The following ITGAL variants were observed in gnomAD, a reference collection of about 807,000 sequenced individuals.
The protein encoded by ITGAL is integrin alpha-L.
ITGAL carries 68 observed loss-of-function variants against 138.4 expected under a neutral mutation model. The ratio of observed to expected loss-of-function variants is 0.49; its 90% CI spans 0.40 to 0.60. The LOEUF is 0.60. Among genes scored for constraint, ITGAL ranks in the 20% least tolerant of loss-of-function variants. ITGAL has a pLI of 0.00. For synonymous variants in ITGAL, 561 were observed against 584.3 expected (o/e 0.96, Z 0.57); for missense variants, 1,256 against 1,478.6 (o/e 0.85, Z 2.47).
In ITGAL at chr16:30,520,325, C is replaced by T. The variant is rs35223392; in HGVS notation, c.3339+358C>T. ...TGCTACCCAACTGTAGTCCCAGCTA[C>T]TCGGGAGGTTGAGGTGGGAGGATCC... On this transcript the variant is annotated intron_variant, in intron 30 of 30. Coordinates refer to ENST00000356798, the MANE Select transcript of ITGAL (RefSeq NM_002209.3). Among the ~76,000 whole-genome samples the T allele has an allele frequency of 1.3e-3, 196 of 152,264 alleles. 3 individuals carry two copies. In the East Asian group the frequency reaches 0.032, roughly 25 times the overall value.
In ITGAL at chr16:30,510,351, T is replaced by C; in HGVS notation, c.2509-10T>C. ...TCATTAACAAACTTGTTTCCTCCTT[T>C]CACTCCCAGCCCCATAGCCAGATAC... On this transcript the variant is annotated splice_polypyrimidine_tract_variant and intron_variant, in intron 21 of 30. Coordinates refer to ENST00000356798, the MANE Select transcript of ITGAL (RefSeq NM_002209.3). 1 of 1,561,334 alleles carries C rather than the reference T, an allele frequency of 6.4e-7. No homozygotes were observed. The highest frequency in any genetic ancestry group is 8.8e-7 in the Non-Finnish European group (1 of 1,132,104).
chr16:30,518,622 AG>A lies in ITGAL; in HGVS notation c.3133del. The A allele has an allele frequency of 6.2e-7, 1 of 1,611,144 alleles. No homozygotes were observed. The highest frequency in any genetic ancestry group is 8.5e-7 in the Non-Finnish European group (1 of 1,177,354). ...TTCTGACGCCTTTCCCCGCTCCCACAGGCCTCTTCCATGTTCAGCCTCTGCA... is the reference window on the plus strand; with the variant it reads ...TTCTGACGCCTTTCCCCGCTCCCACAGCCTCTTCCATGTTCAGCCTCTGCA... On this transcript the variant is annotated splice_acceptor_variant, in intron 28 of 30. Transcript: ENST00000356798. LOFTEE classifies it high-confidence loss of function.
intron 7 of ITGAL, 29 bp from the exon 8 acceptor site, chr16:30,483,798 T>G: frequency 6.3e-7 from 1 of 1,582,212 alleles, no homozygotes; most frequent in Non-Finnish European, 8.6e-7. Context: ...TTTGGGGGAG[T>G]CTCTCATCTC....
At chr16:30,520,137 C>T (rs575538644) in intron 30 of ITGAL, among the ~76,000 whole-genome samples, 170 bp downstream of exon 30, 2 of 152,222 alleles carry the variant, frequency 1.3e-5, no homozygotes, top group South Asian at 4.1e-4. Context: ...CTACTGAGGT[C>T]CAAAGAACAA....
chr16:30,479,425 G>A lies in ITGAL; in HGVS notation c.540G>A (p.Lys180=). Residue 180 remains lysine (K), a synonymous_variant, in exon 6 of 31, where the codon AAG becomes AAA. Coordinates refer to ENST00000356798, the MANE Select transcript of ITGAL (RefSeq NM_002209.3). ...DEFQKILDFM[K]DVMKKLSNTS... ...TTCAGAAAATTCTGGACTTCATGAAGGATGTGATGAAGAAACTCAGCAACA... is the reference window on the plus strand; with the variant it reads ...TTCAGAAAATTCTGGACTTCATGAAAGATGTGATGAAGAAACTCAGCAACA... 1 of 1,613,978 alleles carries A rather than the reference G, an allele frequency of 6.2e-7. No individual in the cohort carries two copies.
At chr16:30,498,342 G>C (rs2050835115) in intron 15 of ITGAL, among the ~76,000 whole-genome samples, 1 of 151,710 alleles carries the variant, frequency 6.6e-6, no homozygotes. Flanking sequence ...TGAGACAAGA[G>C]GATCGCTGGA....
At chr16:30,483,730 C>A in intron 7 of ITGAL, 97 bp from the exon 8 acceptor site, 2 of 1,355,054 alleles carry the variant, frequency 1.5e-6, no homozygotes, top group Non-Finnish European at 2.0e-6. Flanking sequence ...AGGGCTTTTG[C>A]GTAACCAGCA....
chr16:30,484,557 A>G (rs1274832357), intron 9 of ITGAL, among the ~76,000 whole-genome samples: 3 of 151,768 alleles, frequency 2.0e-5, no homozygotes, highest in South Asian at 2.1e-4. Context: ...GCAGTGAGCC[A>G]AGATCGCACC....
At chr16:30,474,525 G>C (rs1270747031) in intron 2 of ITGAL, 5 of 550,348 alleles carry the variant, frequency 9.1e-6, no homozygotes, top group East Asian at 3.1e-5. Context: ...AACAGGGAAG[G>C]ATCCCAGCCC....
At chr16:30,513,435 C>T (rs898483379) in intron 24 of ITGAL, among the ~76,000 whole-genome samples, 1 of 152,058 alleles carries the variant, frequency 6.6e-6, no homozygotes, top group Non-Finnish European at 1.5e-5. Context: ...AGGATGGGTG[C>T]GAGGGGCATC....
rs71149031 is a variant in ITGAL, at chr16:30,490,227, TAAA to T, written c.1213+859_1213+861del. Among the ~76,000 whole-genome samples, 104 of 129,558 alleles carry T rather than the reference TAAA, an allele frequency of 8.0e-4. 1 individual carries two copies. Among genetic ancestry groups the T allele is most frequent in the Non-Finnish European group, 1.4e-3 (87 of 62,586 alleles). 85.0% of individuals were successfully genotyped at this position (129,558 alleles called of 152,430 possible). A position where few individuals can be genotyped will look rare whatever the true frequency, so the allele number is the denominator to read the frequency against. On this transcript the variant is annotated intron_variant, in intron 11 of 30. Transcript: ENST00000356798. ...AAGATGACAGAGCGAGACTCCGTCT[TAAA>T]AAAAAAAAAAAAAAAAAGGCCTTTT... is the stretch of plus-strand genomic sequence containing the variant.
At position 30,494,925 on chromosome 16, in the gene ITGAL, C is replaced by G; in HGVS notation, c.1503+75C>G. ...TCGCAGCTCCCAGTTATTCTGAAGGCTTTCTCTGTCTGGTCACGTGGCGAT... is the reference window on the plus strand; with the variant it reads ...TCGCAGCTCCCAGTTATTCTGAAGGGTTTCTCTGTCTGGTCACGTGGCGAT... On this transcript the variant is annotated intron_variant, in intron 13 of 30. Transcript: ENST00000356798. This position sits in a 1 kb window ranked among gnomAD's most constrained non-coding sequence, Gnocchi z 4.2. 6.8e-7 allele frequency: 1 copy of G among 1,477,608 alleles called. No individual in the cohort carries two copies. Among genetic ancestry groups the G allele is most frequent in the Non-Finnish European group, 9.1e-7 (1 of 1,097,666 alleles). 91.5% of individuals were successfully genotyped at this position (1,477,608 alleles called of 1,614,324 possible).
At chr16:30,484,291 C>T (rs373493202) in intron 9 of ITGAL, 28 bp downstream of exon 9, 21 of 1,598,018 alleles carry the variant, frequency 1.3e-5, no homozygotes, top group South Asian at 1.2e-4. Flanking sequence ...GGAGAGGGCT[C>T]GGGAGTCTGC....
At chr16:30,475,432 G>A (rs766929521) in intron 3 of ITGAL, 32 bp downstream of exon 3, 6 of 1,603,798 alleles carry the variant, frequency 3.7e-6, no homozygotes, top group African/African-American at 1.3e-5. Flanking sequence ...TGGGAGGAAT[G>A]GGATCTTGGG....
At chr16:30,498,773 TGC>T in intron 15 of ITGAL, 5 of 269,134 alleles carry the variant, frequency 1.9e-5, no homozygotes, top group South Asian at 7.5e-5. Context: ...TGGTGGCACA[TGC>T]CTGTGGTCCC....
intron 9 of ITGAL, among the ~76,000 whole-genome samples, chr16:30,488,328 G>A (rs940900435): frequency 3.9e-5 from 6 of 152,098 alleles, no homozygotes; most frequent in Non-Finnish European, 7.3e-5. Flanking sequence ...TTAGGTGAGT[G>A]GGGGTGCCAT....
intron 18 of ITGAL, among the ~76,000 whole-genome samples, 187 bp downstream of exon 18, chr16:30,504,451 A>C (rs2050952828): frequency 6.6e-6 from 1 of 152,104 alleles, no homozygotes; most frequent in Non-Finnish European, 1.5e-5. Context: ...ATCTCTACTA[A>C]AAATACAAAG....
intron 16 of ITGAL, 27 bp from the exon 17 acceptor site, chr16:30,499,311 A>T: frequency 2.5e-6 from 4 of 1,613,608 alleles, no homozygotes; most frequent in Non-Finnish European, 3.4e-6. Context: ...CCCACCATTT[A>T]ACTCTTGCCT....
Position 30,475,332 on chromosome 16 carries a change from G to A in ITGAL, c.191G>A (p.Gly64Glu). ...GTCATCGTGGGAGCTCCAGGGGAGG[G>A]GAACAGCACAGGAAGCCTCTATCAG... ...NGVIVGAPGE[G>E]NSTGSLYQCQ... The change falls in exon 3 of 31, where the codon GGG becomes GAG. Residue 64 changes from glycine (G) to glutamate (E), a missense_variant. This residue lies in a region of ITGAL where 212 missense variants were observed against 217.4 expected (regional missense o/e 0.98). Transcript: ENST00000356798. 6.2e-7 allele frequency: 1 copy of A among 1,613,732 alleles called. No individual in the cohort carries two copies. The highest frequency in any genetic ancestry group is 8.5e-7 in the Non-Finnish European group (1 of 1,179,770).
Sources: allele counts gnomAD v4.1 joint callset (sites outside exome capture counted in the v4.1 genomes callset), GRCh38; gene constraint gnomAD v4.1.1; regional missense constraint gnomAD v4.1.1; non-coding constraint Gnocchi (gnomAD v3.1); transcripts MANE v1.5; gene names NCBI Gene and HGNC (gene_info 2026-07-23, HGNC 2026-07-21).